CA10: variants seen among roughly 807,000 people sequenced by gnomAD.
CA10 encodes the protein carbonic anhydrase 10 (inactive).
In CA10, 14 loss-of-function variants were observed where a neutral mutation model predicts 44.2. The ratio of observed to expected loss-of-function variants is 0.32; its 90% CI spans 0.21 to 0.50. CA10 has a LOEUF of 0.50. Ranked by LOEUF, CA10 falls within the 20% of genes least tolerant of loss-of-function variation. The probability of loss-of-function intolerance (pLI) is 0.99; values close to 1 mark genes in which losing one functional copy is unlikely to be tolerated. For missense variants in CA10, 350 were observed against 409.7 expected (o/e 0.85, Z 1.26); for synonymous variants, 159 against 141.6 (o/e 1.12, Z -0.87).
intron 1 of CA10, among the ~76,000 whole-genome samples, chr17:52,076,977 TA>T: frequency 6.6e-6 from 1 of 152,236 alleles, no homozygotes; most frequent in Non-Finnish European, 1.5e-5. Flanking sequence ...GGTGTCTAAT[TA>T]AAAAAATTGT....
chr17:52,005,498 T>C (rs1985567564), intron 2 of CA10, among the ~76,000 whole-genome samples: 1 of 151,920 alleles, frequency 6.6e-6, no homozygotes, highest in Non-Finnish European at 1.5e-5. Context: ...AGTGGTATTA[T>C]ACTCATCACA....
chr17:51,832,291 G>A (rs1908312210), intron 3 of CA10, among the ~76,000 whole-genome samples: 1 of 152,206 alleles, frequency 6.6e-6, no homozygotes, highest in Non-Finnish European at 1.5e-5. Context: ...AGGAGGAGGA[G>A]GACTAGTGTG....
chr17:52,052,942 A>T (rs1048786704), intron 2 of CA10, among the ~76,000 whole-genome samples: 2 of 151,696 alleles, frequency 1.3e-5, no homozygotes, highest in African/African-American at 4.8e-5. Context: ...TGAGAGAGAG[A>T]GTGTGTGTGA....
intron 2 of CA10, among the ~76,000 whole-genome samples, chr17:51,986,574 C>A (rs1984843841): frequency 6.6e-6 from 1 of 151,964 alleles, no homozygotes; most frequent in Non-Finnish European, 1.5e-5. Context: ...AGCAGACAAC[C>A]TACAGAGTGG....
At chr17:51,660,202 G>C (rs1449060715) in intron 4 of CA10, among the ~76,000 whole-genome samples, 1 of 152,200 alleles carries the variant, frequency 6.6e-6, no homozygotes, top group Non-Finnish European at 1.5e-5. Context: ...AATTGTATTG[G>C]AAGGCAGGAG....
At chr17:51,706,153 G>A (rs1346625204) in intron 4 of CA10, among the ~76,000 whole-genome samples, 11 of 152,150 alleles carry the variant, frequency 7.2e-5, no homozygotes, top group Non-Finnish European at 1.6e-4. Context: ...TTTACCATTG[G>A]GCTGTTGGAA....
intron 2 of CA10, among the ~76,000 whole-genome samples, chr17:51,979,815 A>G (rs866368952): frequency 5.3e-5 from 8 of 152,122 alleles, no homozygotes; most frequent in African/African-American, 1.9e-4. Flanking sequence ...CCCAGAGATG[A>G]GTACCCAGCG....
At chr17:51,820,946 C>T (rs1020060659) in intron 3 of CA10, among the ~76,000 whole-genome samples, 1 of 151,594 alleles carries the variant, frequency 6.6e-6, no homozygotes, top group Admixed American at 6.6e-5. Flanking sequence ...GGATTGTTAC[C>T]CCAGGTGGAA....
intron 3 of CA10, among the ~76,000 whole-genome samples, chr17:51,751,323 A>G (rs1904882501): frequency 6.6e-6 from 1 of 152,180 alleles, no homozygotes; most frequent in Non-Finnish European, 1.5e-5. Context: ...TTGCAAAATA[A>G]AAAGAGTTCT....
At chr17:51,868,571 C>T (rs184972497) in intron 3 of CA10, among the ~76,000 whole-genome samples, 23 of 152,292 alleles carry the variant, frequency 1.5e-4, no homozygotes, top group Admixed American at 5.9e-4. Context: ...GATCTTCTGG[C>T]CTCCCTTTTA....
chr17:51,810,495 A>G (rs1469374193), intron 3 of CA10, among the ~76,000 whole-genome samples: 1 of 152,168 alleles, frequency 6.6e-6, no homozygotes, highest in Non-Finnish European at 1.5e-5. Context: ...GGCTGAGGGA[A>G]GAGAGGAAGG....
intron 4 of CA10, among the ~76,000 whole-genome samples, chr17:51,740,271 A>G (rs1904404148): frequency 6.6e-6 from 1 of 152,170 alleles, no homozygotes; most frequent in Non-Finnish European, 1.5e-5. Flanking sequence ...TAACAGTCTG[A>G]TTGGAAAGAC....
intron 3 of CA10, among the ~76,000 whole-genome samples, chr17:51,832,826 A>G (rs1908332031): frequency 6.6e-6 from 1 of 152,214 alleles, no homozygotes; most frequent in South Asian, 2.1e-4. Context: ...GACATGGGGT[A>G]TAAGCTACGC....
chr17:51,715,090 A>G (rs1399093429), intron 4 of CA10, among the ~76,000 whole-genome samples: 1 of 152,184 alleles, frequency 6.6e-6, no homozygotes, highest in Non-Finnish European at 1.5e-5. Flanking sequence ...ACTGGAAACC[A>G]TCATTCTCAG....
At chr17:51,793,449 T>C (rs531959641) in intron 3 of CA10, among the ~76,000 whole-genome samples, 1 of 152,316 alleles carries the variant, frequency 6.6e-6, no homozygotes, top group African/African-American at 2.4e-5. Context: ...GAATCAAGAC[T>C]GGAATGATAA....
intron 3 of CA10, among the ~76,000 whole-genome samples, chr17:51,874,515 G>A (rs1222532671): frequency 1.3e-5 from 2 of 151,952 alleles, no homozygotes; most frequent in Non-Finnish European, 2.9e-5. Context: ...GTCAGGAGGC[G>A]GGCAGAGTTG....
At chr17:52,135,195 C>T (rs1989328836) in intron 1 of CA10, 1 of 336,268 alleles carries the variant, frequency 3.0e-6, no homozygotes, top group Non-Finnish European at 5.9e-6. Flanking sequence ...CCCTCCCTCG[C>T]TAACCATGTT....
At chr17:52,004,467 C>A (rs1325671493) in intron 2 of CA10, among the ~76,000 whole-genome samples, 1 of 151,860 alleles carries the variant, frequency 6.6e-6, no homozygotes, top group Non-Finnish European at 1.5e-5. Flanking sequence ...CTCATTCCAC[C>A]AAAACTGTAA....
At chr17:52,137,616 TA>T (rs1426596535) in intron 1 of CA10, among the ~76,000 whole-genome samples, 1 of 152,132 alleles carries the variant, frequency 6.6e-6, no homozygotes, top group Non-Finnish European at 1.5e-5. Context: ...TTTGAAGCTA[TA>T]ATATCTTTCA....
Sources: gnomAD v4.1 joint callset for allele counts (sites outside exome capture counted in the v4.1 genomes callset) on GRCh38, gnomAD v4.1.1 for gene constraint, MANE v1.5 for transcripts, NCBI Gene and HGNC (gene_info 2026-07-23, HGNC 2026-07-21) for gene names.